TIAM1: variants seen among roughly 807,000 people sequenced by gnomAD.
The protein encoded by TIAM1 is TIAM Rac1 associated GEF 1, also known as rho guanine nucleotide exchange factor TIAM1.
In TIAM1, 65 loss-of-function variants were observed where a neutral mutation model predicts 163.5. The ratio of observed to expected loss-of-function variants is 0.40; its 90% CI spans 0.33 to 0.49. TIAM1 has a LOEUF of 0.49. TIAM1 is among the 20% of genes least tolerant of loss of function. TIAM1 has a pLI of 0.77. For synonymous variants in TIAM1, 833 were observed against 810.1 expected (o/e 1.03, Z -0.48); for missense variants, 1,789 against 2,044.7 (o/e 0.87, Z 2.41).
chr21:31,549,861 C>T (rs11702272), intron 1 of TIAM1, among the ~76,000 whole-genome samples: 31 of 152,304 alleles, frequency 2.0e-4, no homozygotes, highest in African/African-American at 5.3e-4. Context: ...TGGTGGCTCA[C>T]GCCTGTAATC....
chr21:31,193,356 C>G (rs2085660444), intron 13 of TIAM1, among the ~76,000 whole-genome samples: 1 of 152,166 alleles, frequency 6.6e-6, no homozygotes, highest in Admixed American at 6.5e-5. Context: ...TACTTTCCTC[C>G]TGGGAGTCTG....
chr21:31,312,745 G>C (rs2074977990), intron 2 of TIAM1, among the ~76,000 whole-genome samples: 1 of 152,114 alleles, frequency 6.6e-6, no homozygotes, highest in Non-Finnish European at 1.5e-5. Flanking sequence ...TTCCAACGCA[G>C]GTCCACTTGC....
chr21:31,130,096 G>GAAA (rs386352639), intron 25 of TIAM1, 117 bp downstream of exon 25: 32 of 555,756 alleles, frequency 5.8e-5, no homozygotes, highest in Middle Eastern at 4.3e-4. Context: ...TAAGCATAGG[G>GAAA]AAAAAAAAAA....
At chr21:31,210,634 AAAGAAAG>A (rs2086723293) in intron 10 of TIAM1, among the ~76,000 whole-genome samples, 1 of 25,184 alleles carries the variant, frequency 4.0e-5, no homozygotes, top group African/African-American at 2.1e-4. Context: ...AGAAAGAAAG[AAAGAAAG>A]AAAGAAAGAA....
chr21:31,353,829 A>ATTTTTTT (rs2076272212), intron 2 of TIAM1, among the ~76,000 whole-genome samples: 2 of 67,228 alleles, frequency 3.0e-5, no homozygotes, highest in Non-Finnish European at 6.2e-5. Context: ...TTATTTATTT[A>ATTTTTTT]TTTATCTTTT....
At chr21:31,279,210 G>T (rs1038118807) in intron 2 of TIAM1, among the ~76,000 whole-genome samples, 3 of 152,164 alleles carry the variant, frequency 2.0e-5, no homozygotes, top group African/African-American at 7.2e-5. Flanking sequence ...AAACGGAGTC[G>T]ATTTGGTATA....
rs190053992 is a variant in TIAM1 at position 31,510,305 on chromosome 21, G to A, written c.-421-46270C>T. 1.3e-3 allele frequency among the ~76,000 whole-genome samples: 196 copies of A among 152,288 alleles called. 1 individual carries two copies. The highest frequency in any genetic ancestry group is 4.5e-3 in the African/African-American group (188 of 41,574). On this transcript the variant is annotated intron_variant, in intron 1 of 28. Transcript: ENST00000286827. Reference sequence around the variant, plus strand: ...CTCACACAGCCTCTCCTCTGTGCGTGCACATCCCTGGTGCCTCTATGACCA... The same window carrying A: ...CTCACACAGCCTCTCCTCTGTGCGTACACATCCCTGGTGCCTCTATGACCA...
chr21:31,263,573 A>G (rs1217870087), intron 4 of TIAM1, among the ~76,000 whole-genome samples: 1 of 151,840 alleles, frequency 6.6e-6, no homozygotes, highest in African/African-American at 2.4e-5. Context: ...TGCTTTGCCC[A>G]TTTTCTGGGG....
At chr21:31,144,462 C>A (rs148192848) in intron 20 of TIAM1, among the ~76,000 whole-genome samples, 1 of 152,188 alleles carries the variant, frequency 6.6e-6, no homozygotes, top group East Asian at 1.9e-4. Context: ...GCTGTGAGTC[C>A]GCGATGAACA....
At chr21:31,273,547 A>G (rs1300613771) in intron 3 of TIAM1, among the ~76,000 whole-genome samples, 2 of 152,238 alleles carry the variant, frequency 1.3e-5, no homozygotes, top group African/African-American at 2.4e-5. Context: ...AACTGACATT[A>G]GAGCCTCCAC....
intron 2 of TIAM1, among the ~76,000 whole-genome samples, chr21:31,298,301 T>C (rs1475249618): frequency 6.6e-6 from 1 of 152,214 alleles, no homozygotes; most frequent in East Asian, 1.9e-4. Flanking sequence ...ACTCCAACAG[T>C]AACGAAATGG....
chr21:31,221,819 T>C (rs1409039809), intron 8 of TIAM1, among the ~76,000 whole-genome samples: 1 of 152,198 alleles, frequency 6.6e-6, no homozygotes, highest in Non-Finnish European at 1.5e-5. Flanking sequence ...AGTTTTTTTG[T>C]TTATTTTTGT....
chr21:31,484,859 G>A lies in TIAM1; in HGVS notation c.-421-20824C>T, dbSNP rs376782269. ...ATGGTATCAGGAGGTGGGGCCTTTC[G>A]GAGGTGACTGGGTAGGAGGGCAGAG... On this transcript the variant is annotated intron_variant, in intron 1 of 28. Coordinates refer to the TIAM1 transcript ENST00000286827. Among the ~76,000 whole-genome samples the A allele has an allele frequency of 1.9e-3, 294 of 152,282 alleles. 1 individual carries two copies. Among genetic ancestry groups the A allele is most frequent in the African/African-American group, 6.5e-3 (269 of 41,552 alleles).
intron 1 of TIAM1, among the ~76,000 whole-genome samples, chr21:31,520,680 T>A (rs1325250460): frequency 6.6e-6 from 1 of 152,228 alleles, no homozygotes; most frequent in South Asian, 2.1e-4. Flanking sequence ...TCTGTGTTTA[T>A]GAAAGCCATT....
chr21:31,460,453 C>T (rs1443612913), intron 2 of TIAM1, among the ~76,000 whole-genome samples: 1 of 152,064 alleles, frequency 6.6e-6, no homozygotes, highest in East Asian at 1.9e-4. Context: ...ATAGTGAAAC[C>T]CCATCTCTAC....
intron 1 of TIAM1, among the ~76,000 whole-genome samples, chr21:31,547,749 G>A (rs150149410): frequency 6.6e-5 from 10 of 152,228 alleles, no homozygotes; most frequent in East Asian, 5.8e-4. Flanking sequence ...CACTTGGAAC[G>A]TTTTCTGAAA....
At chr21:31,422,378 G>C (rs1044482761) in intron 2 of TIAM1, among the ~76,000 whole-genome samples, 1 of 152,158 alleles carries the variant, frequency 6.6e-6, no homozygotes, top group Non-Finnish European at 1.5e-5. Context: ...TTGTTCCTCT[G>C]AGCAGTGGTT....
intron 12 of TIAM1, among the ~76,000 whole-genome samples, chr21:31,195,723 ATAAG>A (rs1481836202): frequency 6.6e-6 from 1 of 152,240 alleles, no homozygotes; most frequent in Non-Finnish European, 1.5e-5. Context: ...CATAGTACAA[ATAAG>A]TAGAGACAAA....
At chr21:31,224,048 C>T (rs1230581355) in intron 7 of TIAM1, among the ~76,000 whole-genome samples, 2 of 152,144 alleles carry the variant, frequency 1.3e-5, no homozygotes, top group Admixed American at 1.3e-4. Flanking sequence ...GGAAGTGGAA[C>T]ACAAGATGGT....
Sources: gnomAD v4.1 joint callset for allele counts (sites outside exome capture counted in the v4.1 genomes callset) on GRCh38, gnomAD v4.1.1 for gene constraint, MANE v1.5 for transcripts, NCBI Gene and HGNC (gene_info 2026-07-23, HGNC 2026-07-21) for gene names.